The following SLC35F1 variants were observed in gnomAD, a reference collection of about 807,000 sequenced individuals.
SLC35F1 encodes the protein chromosome 6 open reading frame 169.
A neutral mutation model predicts 48.7 loss-of-function variants in SLC35F1; 14 were observed. The ratio of observed to expected loss-of-function variants is 0.29; its 90% CI spans 0.19 to 0.45. The LOEUF (loss-of-function observed/expected upper bound fraction) is 0.45, where lower values mean the gene tolerates loss of function less well. SLC35F1 is among the 20% of genes least tolerant of loss of function. SLC35F1 has a pLI of 1.00. For missense variants in SLC35F1, 404 were observed against 500.0 expected (o/e 0.81, Z 1.83); for synonymous variants, 190 against 202.2 (o/e 0.94, Z 0.51).
At chr6:117,989,537 G>C (rs1162474628) in intron 1 of SLC35F1, among the ~76,000 whole-genome samples, 1 of 152,134 alleles carries the variant, frequency 6.6e-6, no homozygotes, top group African/African-American at 2.4e-5. Flanking sequence ...ATGTTCTGAG[G>C]CCTCTTTGGT....
At chr6:118,230,376 T>A (rs893955602) in intron 2 of SLC35F1, among the ~76,000 whole-genome samples, 13 of 151,988 alleles carry the variant, frequency 8.6e-5, no homozygotes, top group African/African-American at 2.4e-4. Flanking sequence ...AATATATGTC[T>A]TTTACTGCAT....
chr6:118,236,886 C>T (rs1303301645), intron 3 of SLC35F1, among the ~76,000 whole-genome samples: 1 of 152,200 alleles, frequency 6.6e-6, no homozygotes, highest in Non-Finnish European at 1.5e-5. Context: ...TGCCTCTTGG[C>T]ACTTGCCTTT....
intron 1 of SLC35F1, among the ~76,000 whole-genome samples, chr6:118,001,095 A>T (rs1349157228): frequency 6.6e-6 from 1 of 152,136 alleles, no homozygotes; most frequent in Non-Finnish European, 1.5e-5. Context: ...ATTGGAAAAA[A>T]CTATTTTAAA....
chr6:118,297,827 G>T (rs1776211142), intron 7 of SLC35F1, among the ~76,000 whole-genome samples: 1 of 148,024 alleles, frequency 6.8e-6, no homozygotes, highest in South Asian at 2.2e-4. Flanking sequence ...ATATGGTTTG[G>T]ATGTTTGTTC....
At chr6:117,978,446 C>T (rs1024929847) in intron 1 of SLC35F1, among the ~76,000 whole-genome samples, 4 of 152,294 alleles carry the variant, frequency 2.6e-5, no homozygotes, top group South Asian at 2.1e-4. Flanking sequence ...ACACCAACAC[C>T]GTGTCCCTCC....
At chr6:118,186,989 C>A (rs1392513922) in intron 2 of SLC35F1, among the ~76,000 whole-genome samples, 1 of 152,178 alleles carries the variant, frequency 6.6e-6, no homozygotes, top group African/African-American at 2.4e-5. Flanking sequence ...CATATCAATC[C>A]AATTACTCAT....
chr6:118,196,669 T>C (rs1194547354), intron 2 of SLC35F1, among the ~76,000 whole-genome samples: 1 of 151,814 alleles, frequency 6.6e-6, no homozygotes. Context: ...TGAGCCAAAA[T>C]TGCGCCACTG....
intron 1 of SLC35F1, among the ~76,000 whole-genome samples, chr6:118,063,035 G>C (rs1338347427): frequency 6.6e-6 from 1 of 152,092 alleles, no homozygotes; most frequent in Non-Finnish European, 1.5e-5. Flanking sequence ...TCGGGGAAAA[G>C]TAGCTAAGAT....
chr6:118,061,503 T>C (rs1208842961), intron 1 of SLC35F1, among the ~76,000 whole-genome samples: 1 of 151,966 alleles, frequency 6.6e-6, no homozygotes, highest in African/African-American at 2.4e-5. Context: ...TATATGATTC[T>C]CAGACAACCT....
intron 1 of SLC35F1, among the ~76,000 whole-genome samples, chr6:117,960,551 A>G (rs1414949188): frequency 6.6e-6 from 1 of 152,112 alleles, no homozygotes; most frequent in African/African-American, 2.4e-5. Context: ...CTTACTTCCA[A>G]CACTGCAACT....
At chr6:118,231,147 T>C (rs2114577437) in intron 2 of SLC35F1, among the ~76,000 whole-genome samples, 1 of 152,312 alleles carries the variant, frequency 6.6e-6, no homozygotes, top group East Asian at 1.9e-4. Context: ...CAGCAAACTG[T>C]TAACATTTAT....
rs139321885 is a variant in SLC35F1, at chr6:118,164,192, G to A, written c.349+9572G>A. On this transcript the variant is annotated intron_variant, in intron 2 of 7. Coordinates refer to ENST00000360388, the MANE Select transcript of SLC35F1 (RefSeq NM_001029858.4). ...GTTAAAGTGATTGGGCTCTTTTAGT[G>A]GTCTATATGAGGAAAAACATAAAGG... 2.1e-4 allele frequency among the ~76,000 whole-genome samples: 32 copies of A among 152,062 alleles called. No homozygotes were observed. In the East Asian group the frequency reaches 6.2e-3, roughly 29 times the overall value.
intron 2 of SLC35F1, among the ~76,000 whole-genome samples, chr6:118,225,108 A>G (rs1775198158): frequency 6.6e-6 from 1 of 152,196 alleles, no homozygotes; most frequent in Non-Finnish European, 1.5e-5. Context: ...ACCCAAAGCA[A>G]ATTATAGGCT....
At chr6:118,216,341 G>T (rs150765739) in intron 2 of SLC35F1, among the ~76,000 whole-genome samples, 2,042 of 151,550 alleles carry the variant, frequency 0.013, 42 homozygotes, top group African/African-American at 0.046. Context: ...ACAGGCATGA[G>T]CCACAGCACC....
At chr6:117,922,084 A>C (rs1775906896) in intron 1 of SLC35F1, among the ~76,000 whole-genome samples, 1 of 152,220 alleles carries the variant, frequency 6.6e-6, no homozygotes, top group Non-Finnish European at 1.5e-5. Flanking sequence ...AAGCATGTAA[A>C]GGCCGGAGTC....
chr6:118,070,922 A>ATATATACTGTGT lies in SLC35F1; in HGVS notation c.174-83523_174-83522insTATATACTGTGT, dbSNP rs1358224250. On this transcript the variant is annotated intron_variant, in intron 1 of 7. Transcript: ENST00000360388. ...ATATACTATATATATATACATAGTAAATATATATACTATATATACATAGTA... is the reference window on the plus strand; with the variant it reads ...ATATACTATATATATATACATAGTAATATATACTGTGTATATATATACTATATATACATAGTA... 6.7e-4 allele frequency among the ~76,000 whole-genome samples: 70 copies of ATATATACTGTGT among 104,134 alleles called. 1 individual carries two copies. Among genetic ancestry groups the ATATATACTGTGT allele is most frequent in the East Asian group, 2.5e-3 (10 of 3,946 alleles). The allele number at this position is 104,134 out of a possible 152,430, so 68.3% of individuals were successfully genotyped here.
At chr6:118,084,405 C>T (rs1308668017) in intron 1 of SLC35F1, among the ~76,000 whole-genome samples, 3 of 152,094 alleles carry the variant, frequency 2.0e-5, no homozygotes, top group African/African-American at 7.2e-5. Flanking sequence ...TCCACATGCA[C>T]ACTCAGACAT....
intron 1 of SLC35F1, among the ~76,000 whole-genome samples, chr6:118,014,692 A>G (rs1318930415): frequency 1.3e-5 from 2 of 152,218 alleles, no homozygotes; most frequent in Admixed American, 1.3e-4. Flanking sequence ...GAGAAATGCC[A>G]TCTTCTCAAG....
At chr6:117,923,608 C>CATATGTACAT (rs1554216654) in intron 1 of SLC35F1, among the ~76,000 whole-genome samples, 8 of 26,072 alleles carry the variant, frequency 3.1e-4, no homozygotes, top group East Asian at 1.5e-3. Flanking sequence ...TGTATATATA[C>CATATGTACAT]ATATACATAT....
Sources: allele counts gnomAD v4.1 joint callset (sites outside exome capture counted in the v4.1 genomes callset), GRCh38; gene constraint gnomAD v4.1.1; transcripts MANE v1.5; gene names NCBI Gene and HGNC (gene_info 2026-07-23, HGNC 2026-07-21).